Variants in FILIP1L observed in about 807,000 individuals in gnomAD.
FILIP1L encodes the protein filamin A-interacting protein 1-like.
A neutral mutation model predicts 96.6 loss-of-function variants in FILIP1L; 55 were observed. The ratio of observed to expected loss-of-function variants is 0.57; its 90% CI spans 0.46 to 0.71. The LOEUF is 0.71. FILIP1L is among the 30% of genes least tolerant of loss of function. The pLI is 0.00. For synonymous variants in FILIP1L, 467 were observed against 473.9 expected, an observed-to-expected ratio of 0.99 and a Z score of 0.19; for missense variants, 1,304 against 1,321.2, an observed-to-expected ratio of 0.99 and a Z score of 0.20.
At chr3:100,086,725 T>C (rs775002481) in intron 1 of FILIP1L, among the ~76,000 whole-genome samples, 1 of 152,172 alleles carries the variant, frequency 6.6e-6, no homozygotes, top group Non-Finnish European at 1.5e-5. Context: ...AAAATTTACA[T>C]ATGGTAAAAT....
At chr3:100,073,830 C>CA (rs2065802106) in intron 1 of FILIP1L, among the ~76,000 whole-genome samples, 1 of 152,186 alleles carries the variant, frequency 6.6e-6, no homozygotes, top group African/African-American at 2.4e-5. Flanking sequence ...TCTTTCCACT[C>CA]ACTCTTTTTA....
At chr3:99,887,894 A>G (rs1018824318) in intron 4 of FILIP1L, among the ~76,000 whole-genome samples, 1 of 151,460 alleles carries the variant, frequency 6.6e-6, no homozygotes, top group African/African-American at 2.4e-5. Flanking sequence ...GGTGTGCACC[A>G]CCACACCTGG....
intron 1 of FILIP1L, among the ~76,000 whole-genome samples, chr3:100,047,095 A>G (rs1256902568): frequency 6.6e-6 from 1 of 152,228 alleles, no homozygotes; most frequent in Non-Finnish European, 1.5e-5. Context: ...ATGTTTAGCC[A>G]TTGAAGTTTT....
intron 1 of FILIP1L, among the ~76,000 whole-genome samples, chr3:100,029,988 T>G (rs1343775305): frequency 6.6e-6 from 1 of 152,168 alleles, no homozygotes; most frequent in African/African-American, 2.4e-5. Flanking sequence ...CACAGCTGTT[T>G]GTAACTTTCT....
intron 1 of FILIP1L, among the ~76,000 whole-genome samples, chr3:100,105,425 C>T (rs1443115462): frequency 3.9e-5 from 6 of 152,092 alleles, no homozygotes; most frequent in African/African-American, 9.7e-5. Context: ...AACTGCAATT[C>T]GTATCTAACA....
At chr3:99,981,475 C>T (rs1441775858) in intron 1 of FILIP1L, among the ~76,000 whole-genome samples, 1 of 152,140 alleles carries the variant, frequency 6.6e-6, no homozygotes, top group Non-Finnish European at 1.5e-5. Flanking sequence ...TCCTAGCACT[C>T]ACAATGATAC....
chr3:100,003,853 A>G (rs1709911944), intron 1 of FILIP1L, among the ~76,000 whole-genome samples: 1 of 152,204 alleles, frequency 6.6e-6, no homozygotes, highest in Non-Finnish European at 1.5e-5. Flanking sequence ...CTAACTTTGC[A>G]TGAGTTCAAC....
intron 1 of FILIP1L, among the ~76,000 whole-genome samples, chr3:100,026,555 TCTC>T (rs2064925815): frequency 6.6e-6 from 1 of 152,012 alleles, no homozygotes; most frequent in Non-Finnish European, 1.5e-5. Flanking sequence ...TTAAATTAAA[TCTC>T]CTGATTTTAA....
chr3:100,094,745 A>G (rs2066174108), intron 1 of FILIP1L, among the ~76,000 whole-genome samples: 1 of 133,172 alleles, frequency 7.5e-6, no homozygotes, highest in Admixed American at 9.1e-5. Flanking sequence ...GTGCAGTGGC[A>G]CAATCTCGGC....
chr3:99,920,103 G>A (rs942802340), intron 4 of FILIP1L, among the ~76,000 whole-genome samples: 1 of 152,118 alleles, frequency 6.6e-6, no homozygotes, highest in Non-Finnish European at 1.5e-5. Flanking sequence ...ACAATCCATG[G>A]TTGAAGCCAC....
At chr3:99,969,529 A>G (rs568983181) in intron 1 of FILIP1L, among the ~76,000 whole-genome samples, 6 of 152,328 alleles carry the variant, frequency 3.9e-5, no homozygotes, top group African/African-American at 1.4e-4. Context: ...TAAAGATATT[A>G]GTGAAAGAAT....
intron 1 of FILIP1L, among the ~76,000 whole-genome samples, chr3:99,968,602 G>T (rs1274797444): frequency 6.6e-6 from 1 of 151,998 alleles, no homozygotes; most frequent in Non-Finnish European, 1.5e-5. Context: ...TGCACAAGGA[G>T]AATATATAGA....
At chr3:100,060,986 G>A (rs1226960293) in intron 1 of FILIP1L, among the ~76,000 whole-genome samples, 1 of 152,160 alleles carries the variant, frequency 6.6e-6, no homozygotes, top group Non-Finnish European at 1.5e-5. Flanking sequence ...CGCACGAGGT[G>A]ATGAGTTGCA....
intron 4 of FILIP1L, 120 bp downstream of exon 4, chr3:99,924,110 G>T: frequency 1.2e-6 from 1 of 829,406 alleles, no homozygotes; most frequent in Non-Finnish European, 1.9e-6. Context: ...CCTCACCCTG[G>T]ACTATGAGAT....
intron 1 of FILIP1L, among the ~76,000 whole-genome samples, chr3:100,051,744 C>T (rs1179220821): frequency 6.6e-6 from 1 of 151,670 alleles, no homozygotes; most frequent in African/African-American, 2.4e-5. Flanking sequence ...TTTTCTTAAT[C>T]TAGTCGATCA....
intron 1 of FILIP1L, among the ~76,000 whole-genome samples, chr3:100,059,368 G>A (rs2065520193): frequency 6.6e-6 from 1 of 152,172 alleles, no homozygotes; most frequent in Non-Finnish European, 1.5e-5. Context: ...TCACACCTGT[G>A]TCCTTGTCCG....
At chr3:100,060,294 G>A (rs997045996) in intron 1 of FILIP1L, among the ~76,000 whole-genome samples, 1 of 152,024 alleles carries the variant, frequency 6.6e-6, no homozygotes, top group African/African-American at 2.4e-5. Context: ...AAACCATGAG[G>A]AGACTCTTGC....
At chr3:100,086,304 C>T (rs1428112852) in intron 1 of FILIP1L, among the ~76,000 whole-genome samples, 1 of 152,118 alleles carries the variant, frequency 6.6e-6, no homozygotes, top group African/African-American at 2.4e-5. Flanking sequence ...AGAAAAGCCA[C>T]GAAGTTAGTT....
At chr3:100,028,666 A>C (rs1368632292) in intron 1 of FILIP1L, among the ~76,000 whole-genome samples, 1 of 152,214 alleles carries the variant, frequency 6.6e-6, no homozygotes, top group Admixed American at 6.6e-5. Flanking sequence ...ATAATGGAAT[A>C]GCATTTTTTT....
Sources: gnomAD v4.1 joint callset for allele counts (sites outside exome capture counted in the v4.1 genomes callset) on GRCh38, gnomAD v4.1.1 for gene constraint, MANE v1.5 for transcripts, NCBI Gene and HGNC (gene_info 2026-07-23, HGNC 2026-07-21) for gene names.